The following PIK3C2G variants were observed in gnomAD, a reference collection of about 807,000 sequenced individuals.
The protein encoded by PIK3C2G is phosphatidylinositol-4-phosphate 3-kinase catalytic subunit type 2 gamma.
In PIK3C2G, 168 loss-of-function variants were observed where a neutral mutation model predicts 181.1. The observed-to-expected ratio is 0.93, with a 90% CI of 0.82 to 1.05. The LOEUF is 1.05. PIK3C2G is among the 50% of genes least tolerant of loss of function. The probability of loss-of-function intolerance (pLI) is 0.00; values close to 1 mark genes in which losing one functional copy is unlikely to be tolerated. For synonymous variants in PIK3C2G, 573 were observed against 592.2 expected, an observed-to-expected ratio of 0.97 and a Z score of 0.47; for missense variants, 1,869 against 1,732.8, an observed-to-expected ratio of 1.08 and a Z score of -1.40.
chr12:18,513,228 G>A (rs548037461), intron 24 of PIK3C2G, among the ~76,000 whole-genome samples: 20 of 151,794 alleles, frequency 1.3e-4, no homozygotes, highest in African/African-American at 4.6e-4. Flanking sequence ...TTGCATCTAC[G>A]TTAATTAGAA....
At chr12:18,688,274 T>C in the PIK3C2G span, 1 of 1,529,804 alleles carries the variant, frequency 6.5e-7, no homozygotes, top group Non-Finnish European at 8.8e-7. Context: ...TACATCACCA[T>C]TTATTTCAAA....
intron 28 of PIK3C2G, among the ~76,000 whole-genome samples, chr12:18,566,537 G>C (rs1420432934): frequency 6.6e-6 from 1 of 152,174 alleles, no homozygotes; most frequent in Non-Finnish European, 1.5e-5. Flanking sequence ...TTGCTAAAAT[G>C]CTTAATTTAG....
chr12:18,421,272 T>C (rs1353489905), intron 17 of PIK3C2G, among the ~76,000 whole-genome samples: 1 of 151,974 alleles, frequency 6.6e-6, no homozygotes, highest in African/African-American at 2.4e-5. Context: ...TTAATTAGAA[T>C]ATGAAAAAAT....
intron 20 of PIK3C2G, chr12:18,493,217 G>A (rs939643825): frequency 2.6e-5 from 4 of 152,188 alleles, no homozygotes; most frequent in Non-Finnish European, 4.4e-5. Flanking sequence ...CAAACTAAAT[G>A]TCTTATTTGA....
intron 16 of PIK3C2G, among the ~76,000 whole-genome samples, chr12:18,407,710 C>A (rs555324920): frequency 8.5e-5 from 13 of 152,206 alleles, no homozygotes; most frequent in Admixed American, 3.3e-4. Flanking sequence ...GGAGAAAAGT[C>A]TTCCTTAAGT....
intron 1 of PIK3C2G, among the ~76,000 whole-genome samples, chr12:18,256,361 C>T (rs1168086960): frequency 3.3e-5 from 5 of 152,030 alleles, no homozygotes; most frequent in Admixed American, 6.6e-5. Flanking sequence ...TTGCTATGCA[C>T]GCAGACTATC....
chr12:18,538,474 C>T (rs1943980763), intron 25 of PIK3C2G, among the ~76,000 whole-genome samples, 162 bp downstream of exon 25: 2 of 151,836 alleles, frequency 1.3e-5, no homozygotes, highest in African/African-American at 4.8e-5. Flanking sequence ...AAACGTATTT[C>T]TTAATAATTT....
chr12:18,699,674 T>TA, the PIK3C2G span: 1 of 1,101,168 alleles, frequency 9.1e-7, no homozygotes, highest in Non-Finnish European at 1.4e-6. Context: ...TAAATTATGT[T>TA]AAATGTGTTG....
chr12:18,379,904 T>C (rs181455951), intron 13 of PIK3C2G, among the ~76,000 whole-genome samples: 5 of 152,162 alleles, frequency 3.3e-5, no homozygotes, highest in Admixed American at 3.3e-4. Flanking sequence ...CTCTCGAAAA[T>C]CTTTAGATAT....
intron 18 of PIK3C2G, among the ~76,000 whole-genome samples, chr12:18,452,826 A>G (rs1242093538): frequency 6.6e-6 from 1 of 152,178 alleles, no homozygotes; most frequent in African/African-American, 2.4e-5. Flanking sequence ...TTATTTACCC[A>G]GGAGTCATTC....
intron 18 of PIK3C2G, among the ~76,000 whole-genome samples, chr12:18,442,723 A>T (rs2135835029): frequency 6.6e-6 from 1 of 152,342 alleles, no homozygotes; most frequent in Middle Eastern, 3.4e-3. Flanking sequence ...TCAGATATTA[A>T]CAACATTTAC....
the PIK3C2G span, among the ~76,000 whole-genome samples, chr12:18,687,372 C>A: frequency 6.6e-6 from 1 of 152,040 alleles, no homozygotes; most frequent in African/African-American, 2.4e-5. Context: ...TGAGAATATC[C>A]CTTGAAGAAG....
At chr12:18,434,345 G>A (rs907382118) in intron 18 of PIK3C2G, among the ~76,000 whole-genome samples, 1 of 152,024 alleles carries the variant, frequency 6.6e-6, no homozygotes, top group Non-Finnish European at 1.5e-5. Context: ...TTTTTAAAGG[G>A]AACACATTGA....
At chr12:18,556,332 G>A (rs1252253067) in intron 26 of PIK3C2G, among the ~76,000 whole-genome samples, 3 of 152,136 alleles carry the variant, frequency 2.0e-5, no homozygotes, top group African/African-American at 7.2e-5. Context: ...TAACAGCACT[G>A]TTTTGTCTGA....
chr12:18,519,548 C>T (rs534317005), intron 24 of PIK3C2G, among the ~76,000 whole-genome samples: 16 of 152,046 alleles, frequency 1.1e-4, no homozygotes, highest in Non-Finnish European at 1.9e-4. Context: ...CCCCTGCTTT[C>T]TTTTGCTTTC....
chr12:18,609,740 G>T, intron 31 of PIK3C2G, 111 bp downstream of exon 31: 1 of 636,160 alleles, frequency 1.6e-6, no homozygotes, highest in Non-Finnish European at 2.7e-6. Context: ...TCTCCGCCAA[G>T]TTTAAGTAAG....
intron 30 of PIK3C2G, among the ~76,000 whole-genome samples, chr12:18,605,290 A>G (rs1947959011): frequency 1.3e-5 from 2 of 152,176 alleles, no homozygotes; most frequent in African/African-American, 4.8e-5. Context: ...CCTAGAAGAC[A>G]TGGATGAATT....
At position 18,588,443 on chromosome 12, in the gene PIK3C2G, A is replaced by C. The variant is rs188126769; in HGVS notation, c.4012-6051A>C. Reference sequence around the variant, plus strand: ...TAAAATGTGGACAAAGGACATGAACAGACACTTTTCAAAAGAAGACATACA... The same window carrying C: ...TAAAATGTGGACAAAGGACATGAACCGACACTTTTCAAAAGAAGACATACA... On this transcript the variant is annotated intron_variant, in intron 29 of 32. Transcript: ENST00000538779. Among the ~76,000 whole-genome samples, 144 of 152,304 alleles carry C rather than the reference A, an allele frequency of 9.5e-4. 1 individual carries two copies. Among genetic ancestry groups the C allele is most frequent in the Non-Finnish European group, 1.9e-3 (130 of 68,014 alleles).
chr12:18,279,493 G>A (rs752020707), intron 1 of PIK3C2G, among the ~76,000 whole-genome samples: 1 of 151,844 alleles, frequency 6.6e-6, no homozygotes, highest in African/African-American at 2.4e-5. Flanking sequence ...AAAACTCAAG[G>A]TTTTGAAAGC....
Sources: gnomAD v4.1 joint callset for allele counts (sites outside exome capture counted in the v4.1 genomes callset) on GRCh38, gnomAD v4.1.1 for gene constraint, MANE v1.5 for transcripts, NCBI Gene and HGNC (gene_info 2026-07-23, HGNC 2026-07-21) for gene names.